The following SLC35F4 variants were observed in gnomAD, a reference collection of about 807,000 sequenced individuals.
SLC35F4 encodes solute carrier family 35 member F4, also known as chromosome 14 open reading frame 36.
A neutral mutation model predicts 44.2 loss-of-function variants in SLC35F4; 24 were observed. That is an observed-to-expected ratio of 0.54 (90% CI 0.39 to 0.76). SLC35F4 has a LOEUF of 0.76. Ranked by LOEUF, SLC35F4 falls within the 30% of genes least tolerant of loss-of-function variation. SLC35F4 has a pLI of 0.00. For synonymous variants in SLC35F4, 238 were observed against 223.6 expected (o/e 1.06, Z -0.57); for missense variants, 562 against 586.1 (o/e 0.96, Z 0.42).
At chr14:57,962,278 G>A (rs1026550459) in intron 1 of SLC35F4, among the ~76,000 whole-genome samples, 1 of 152,168 alleles carries the variant, frequency 6.6e-6, no homozygotes, top group Non-Finnish European at 1.5e-5. Flanking sequence ...AAAGAGATTA[G>A]AGTTCTGGGT....
At chr14:57,791,984 G>A (rs945573103) in intron 1 of SLC35F4, among the ~76,000 whole-genome samples, 4 of 152,008 alleles carry the variant, frequency 2.6e-5, no homozygotes, top group African/African-American at 9.7e-5. Flanking sequence ...GGCAAGGGGA[G>A]GGATAGCATT....
At chr14:57,651,115 C>A (rs2073768243) in intron 1 of SLC35F4, among the ~76,000 whole-genome samples, 2 of 152,174 alleles carry the variant, frequency 1.3e-5, no homozygotes, top group South Asian at 4.1e-4. Context: ...GCCTCCCTCT[C>A]CCATTAGGAT....
chr14:57,778,396 T>C (rs1177446295), intron 1 of SLC35F4, among the ~76,000 whole-genome samples: 2 of 151,810 alleles, frequency 1.3e-5, no homozygotes, highest in Non-Finnish European at 1.5e-5. Context: ...ATTAACTACA[T>C]AAAGATAAGG....
chr14:57,635,345 A>G (rs2072974581), intron 1 of SLC35F4, among the ~76,000 whole-genome samples: 1 of 151,516 alleles, frequency 6.6e-6, no homozygotes, highest in African/African-American at 2.4e-5. Context: ...GAGAGAGAGG[A>G]GTACTCACTG....
intron 1 of SLC35F4, among the ~76,000 whole-genome samples, chr14:57,887,153 C>T (rs926048546): frequency 1.3e-5 from 2 of 152,282 alleles, no homozygotes; most frequent in East Asian, 3.9e-4. Flanking sequence ...CACTGTAGAG[C>T]AGGTTTACAT....
At chr14:57,931,816 G>C (rs1889702497) in intron 1 of SLC35F4, among the ~76,000 whole-genome samples, 1 of 152,144 alleles carries the variant, frequency 6.6e-6, no homozygotes, top group Non-Finnish European at 1.5e-5. Flanking sequence ...ATCCAATAGA[G>C]GGTCAAAAAT....
chr14:57,679,821 CAAG>C (rs1257351592), intron 1 of SLC35F4, among the ~76,000 whole-genome samples: 1 of 151,902 alleles, frequency 6.6e-6, no homozygotes, highest in Non-Finnish European at 1.5e-5. Context: ...AAGACCAAAC[CAAG>C]AAGAAGTCGA....
chr14:57,609,346 C>A (rs1266174802), intron 1 of SLC35F4, among the ~76,000 whole-genome samples: 1 of 152,092 alleles, frequency 6.6e-6, no homozygotes, highest in Non-Finnish European at 1.5e-5. Flanking sequence ...ATCTTGCTAC[C>A]CTGAGTTCAG....
At chr14:57,938,771 C>T (rs767099866) in intron 1 of SLC35F4, among the ~76,000 whole-genome samples, 1 of 152,074 alleles carries the variant, frequency 6.6e-6, no homozygotes, top group Non-Finnish European at 1.5e-5. Flanking sequence ...GTAAACCATG[C>T]TTTTAGCCGC....
At chr14:57,808,556 A>G (rs1344187825) in intron 1 of SLC35F4, among the ~76,000 whole-genome samples, 1 of 152,004 alleles carries the variant, frequency 6.6e-6, no homozygotes, top group Non-Finnish European at 1.5e-5. Flanking sequence ...ACACAGAGTA[A>G]TAGCCAGTCA....
At chr14:57,958,670 T>TA (rs747663700) in intron 1 of SLC35F4, among the ~76,000 whole-genome samples, 18 of 152,246 alleles carry the variant, frequency 1.2e-4, no homozygotes, top group Non-Finnish European at 1.9e-4. Context: ...ATATCTCAAC[T>TA]AAAAAAATGG....
chr14:57,809,238 T>C (rs1466073769), intron 1 of SLC35F4, among the ~76,000 whole-genome samples: 1 of 152,226 alleles, frequency 6.6e-6, no homozygotes, highest in Non-Finnish European at 1.5e-5. Flanking sequence ...AGTTTGCATG[T>C]AAGGGAGACA....
intron 1 of SLC35F4, among the ~76,000 whole-genome samples, chr14:57,761,391 G>A (rs570700028): frequency 9.9e-5 from 15 of 152,218 alleles, no homozygotes; most frequent in African/African-American, 3.4e-4. Flanking sequence ...TAGGTGAAAT[G>A]TAAAGGGATA....
intron 1 of SLC35F4, among the ~76,000 whole-genome samples, chr14:57,689,952 T>C (rs1041530059): frequency 2.0e-5 from 3 of 152,206 alleles, no homozygotes; most frequent in Non-Finnish European, 4.4e-5. Flanking sequence ...AACCACTTTG[T>C]CTTTGCCTAA....
chr14:57,866,291 T>A (rs943488501), upstream of SLC35F4, among the ~76,000 whole-genome samples: 2 of 151,964 alleles, frequency 1.3e-5, no homozygotes, highest in African/African-American at 4.8e-5. Flanking sequence ...AGAAGGGTGT[T>A]GGGAGTGGGA....
At chr14:57,857,776 C>A (rs1415114046) in intron 1 of SLC35F4, among the ~76,000 whole-genome samples, 1 of 151,982 alleles carries the variant, frequency 6.6e-6, no homozygotes, top group Non-Finnish European at 1.5e-5. Context: ...GGAAGCTTTA[C>A]AGAGGACAGC....
At chr14:57,824,564 G>A (rs1383275882) in intron 1 of SLC35F4, among the ~76,000 whole-genome samples, 1 of 152,146 alleles carries the variant, frequency 6.6e-6, no homozygotes, top group African/African-American at 2.4e-5. Flanking sequence ...GAAGGATGAT[G>A]GAGAGGGTAC....
At chr14:57,880,446 T>G (rs715038) in intron 1 of SLC35F4, among the ~76,000 whole-genome samples, 69,806 of 151,922 alleles carry the variant, frequency 0.46, 19,040 homozygotes, top group African/African-American at 0.76. Context: ...AAAATTCCCA[T>G]CCTCATCTGG....
intron 1 of SLC35F4, among the ~76,000 whole-genome samples, chr14:57,757,970 A>T (rs2077033025): frequency 7.0e-6 from 1 of 143,770 alleles, no homozygotes; most frequent in African/African-American, 2.6e-5. Context: ...TCATTTAGAA[A>T]TTTTTTTTCT....
Sources: gnomAD v4.1 joint callset for allele counts (sites outside exome capture counted in the v4.1 genomes callset) on GRCh38, gnomAD v4.1.1 for gene constraint, MANE v1.5 for transcripts, NCBI Gene and HGNC (gene_info 2026-07-23, HGNC 2026-07-21) for gene names.